Variants in ACAP1 observed in about 807,000 individuals in gnomAD.
ACAP1 encodes the protein ArfGAP with coiled-coil, ankyrin repeat and PH domains 1.
Under a neutral mutation model 98.8 loss-of-function variants are expected in ACAP1, and 45 were observed. That is an observed-to-expected ratio of 0.46 (90% confidence interval 0.36 to 0.58). The LOEUF is 0.58. ACAP1 is among the 20% of genes least tolerant of loss of function. ACAP1 has a pLI of 0.00. For missense variants in ACAP1, 735 were observed against 971.4 expected, an observed-to-expected ratio of 0.76 and a Z score of 3.24; for synonymous variants, 362 against 375.3, an observed-to-expected ratio of 0.96 and a Z score of 0.41.
Position 7,336,786 on chromosome 17 carries a change from C to T in ACAP1, c.52C>T (p.Arg18Ter), listed in dbSNP as rs754562422. The T allele has an allele frequency of 5.0e-6, 8 of 1,613,890 alleles. No homozygotes were observed. Among genetic ancestry groups the T allele is most frequent in the East Asian group, 2.2e-5 (1 of 44,862 alleles). Reference sequence around the variant, plus strand: ...GTGTCTCAAGGACTCACCCCGTTTCCGGTAAGTGTGAACTGGTCTGGGGGG... The same window carrying T: ...GTGTCTCAAGGACTCACCCCGTTTCTGGTAAGTGTGAACTGGTCTGGGGGG... ...EECLKDSPRF[R>*]ASIELVEAEV... The change falls in exon 1 of 22, where the codon CGA (arginine) becomes TGA (stop). Residue 18 changes from arginine to a stop codon, truncating the protein, a stop_gained and splice_region_variant. Transcript: ENST00000158762. LOFTEE classifies it high-confidence loss of function.
Position 7,350,949 on chromosome 17 carries a change from G to C in ACAP1, c.2073-1G>C. ...TCATTTCTTAATTCCCTCCTCTTCA[G>C]GCTACGACTGGCAAAGATGAGGGAG... On this transcript the variant is annotated splice_acceptor_variant, in intron 20 of 21. Transcript: ENST00000158762. LOFTEE classifies it high-confidence loss of function. The surrounding 1 kb of genome is among the most constrained non-coding windows in gnomAD (Gnocchi z 4.6). 6.2e-7 allele frequency: 1 copy of C among 1,614,066 alleles called. No individual in the cohort carries two copies. Among genetic ancestry groups the C allele is most frequent in the Non-Finnish European group, 8.5e-7 (1 of 1,179,976 alleles).
At position 7,343,920 on chromosome 17, in the gene ACAP1, C is replaced by G. The variant is rs373061856; in HGVS notation, c.633C>G (p.Ser211Arg). 13 of 1,606,492 alleles carry G rather than the reference C, an allele frequency of 8.1e-6. No individual in the cohort carries two copies. In the African/African-American group the frequency reaches 1.6e-4, roughly 20 times the overall value. ...TCCAGCAGGGCCATGAGGAGCTGAG[C>G]CGGCTGTCCCAGTATCGAAAGGAGC... ...THFQQGHEEL[S>R]RLSQYRKELG... is the part of the protein sequence containing the mutation. The change falls in exon 8 of 22, where the codon AGC becomes AGG. Residue 211 changes from serine (S) to arginine (R), a missense_variant. Transcript: ENST00000158762. The surrounding 1 kb of genome is among the most constrained non-coding windows in gnomAD (Gnocchi z 4.9).
At chr17:7,346,719 A>C (rs2073350044) in intron 12 of ACAP1, 89 bp from the exon 13 acceptor site, 3 of 1,455,270 alleles carry the variant, frequency 2.1e-6, no homozygotes, top group African/African-American at 1.4e-5. Context: ...GAACTGGTTG[A>C]ATACTGGCTG....
chr17:7,337,391 G>T, intron 2 of ACAP1, 22 bp downstream of exon 2: 2 of 1,612,332 alleles, frequency 1.2e-6, no homozygotes, highest in Non-Finnish European at 8.5e-7. Context: ...ATGGAGAGGT[G>T]ACCCAGGAGT....
At chr17:7,348,842 T>A (rs1054388538) in intron 17 of ACAP1, 153 bp from the exon 18 acceptor site, 20 of 711,968 alleles carry the variant, frequency 2.8e-5, no homozygotes, top group African/African-American at 7.2e-5. Flanking sequence ...TACTTACACA[T>A]ACCCACACTT....
Position 7,336,953 on chromosome 17 carries a change from A to G in ACAP1, c.53+166A>G, listed in dbSNP as rs2073226497. Among the ~76,000 whole-genome samples, 4 of 152,004 alleles carry G rather than the reference A, an allele frequency of 2.6e-5. No homozygotes were observed. The South Asian group carries it at 8.3e-4, about 31-fold the overall frequency. ...CCCAGCTGTGAAAGCAGGGTACTCCAATGCTCTCTGCCCCTGCATGCTCCT... is the reference window on the plus strand; with the variant it reads ...CCCAGCTGTGAAAGCAGGGTACTCCGATGCTCTCTGCCCCTGCATGCTCCT... On this transcript the variant is annotated intron_variant, in intron 1 of 21. Coordinates refer to ENST00000158762, the MANE Select transcript of ACAP1 (RefSeq NM_014716.4).
chr17:7,348,688 C>T lies in ACAP1; in HGVS notation c.1678+213C>T. 3 of 597,764 alleles carry T rather than the reference C, an allele frequency of 5.0e-6. No individual in the cohort carries two copies. In the South Asian group the frequency reaches 8.0e-5, roughly 16 times the overall value. 37.0% of individuals were successfully genotyped at this position (597,764 alleles called of 1,614,324 possible). ...GGGCAGGGAGGGTAAGGGGTGCCAACAGCACAAGAAAAGGAGAGAGAGAGG... is the reference window on the plus strand; with the variant it reads ...GGGCAGGGAGGGTAAGGGGTGCCAATAGCACAAGAAAAGGAGAGAGAGAGG... On this transcript the variant is annotated intron_variant, in intron 17 of 21. Coordinates refer to ENST00000158762, the MANE Select transcript of ACAP1 (RefSeq NM_014716.4).
At position 7,342,712 on chromosome 17, in the gene ACAP1, T is replaced by TCG. The variant is rs576340128; in HGVS notation, c.344+238_344+239insCG. 2.0e-4 allele frequency: 115 copies of TCG among 566,902 alleles called. 1 individual carries two copies. Among genetic ancestry groups the TCG allele is most frequent in the African/African-American group, 1.9e-3 (102 of 52,984 alleles). The allele number at this position is 566,902 out of a possible 1,614,324, so 35.1% of individuals were successfully genotyped here. ...GTCGGGAGTTCGAGACCAGCCTGTC[T>TCG]AACATGGCAAAACCCCAGCTCTACT... On this transcript the variant is annotated intron_variant, in intron 5 of 21. Transcript: ENST00000158762.
chr17:7,342,622 G>T (rs1044147489), intron 5 of ACAP1, 148 bp downstream of exon 5: 1 of 911,606 alleles, frequency 1.1e-6, no homozygotes, highest in African/African-American at 1.6e-5. Context: ...AAATTAGGCC[G>T]GGCACGGTGG....
rs78156786 is a variant in ACAP1, at chr17:7,348,069, C to A, written c.1414-58C>A. The A allele has an allele frequency of 2.7e-5, 43 of 1,610,920 alleles. No individual in the cohort carries two copies. The East Asian group carries it at 7.6e-4, about 28-fold the overall frequency. On this transcript the variant is annotated intron_variant, in intron 15 of 21. Transcript: ENST00000158762. ...ACATGGCGGTGCAGGGGCGTGATCCCTGAGGAGTCACTCACCCCCACCTTC... is the reference window on the plus strand; with the variant it reads ...ACATGGCGGTGCAGGGGCGTGATCCATGAGGAGTCACTCACCCCCACCTTC...
intron 17 of ACAP1, 155 bp downstream of exon 17, chr17:7,348,630 A>G: frequency 1.2e-6 from 1 of 848,654 alleles, no homozygotes; most frequent in Non-Finnish European, 1.7e-6. Context: ...GGAGTGTGAC[A>G]TTAAGAATGA....
rs987197685 is a variant in ACAP1 at position 7,343,103 on chromosome 17, C to CAAA, written c.345-273_345-271dup. On this transcript the variant is annotated intron_variant, in intron 5 of 21. Coordinates refer to ENST00000158762, the MANE Select transcript of ACAP1 (RefSeq NM_014716.4). This position sits in a 1 kb window ranked among gnomAD's most constrained non-coding sequence, Gnocchi z 4.9. Reference sequence around the variant, plus strand: ...TCAAAAACAAAAACAACAACAACAACAAAAATTTTTTAAAGGGGGAGTGAG... The same window carrying CAAA: ...TCAAAAACAAAAACAACAACAACAACAAAAAAAATTTTTTAAAGGGGGAGTGAG... 2.7e-6 allele frequency: 1 copy of CAAA among 373,524 alleles called. No individual in the cohort carries two copies. Among genetic ancestry groups the CAAA allele is most frequent in the East Asian group, 4.5e-5 (1 of 22,338 alleles). 23.1% of individuals were successfully genotyped at this position (373,524 alleles called of 1,614,324 possible).
At chr17:7,349,207 C>CT in intron 18 of ACAP1, 40 bp downstream of exon 18, 1 of 1,606,910 alleles carries the variant, frequency 6.2e-7, no homozygotes, top group Admixed American at 1.7e-5. Flanking sequence ...CCCTAGGGCT[C>CT]TGACACCTAC....
At chr17:7,346,714 G>A in intron 12 of ACAP1, 94 bp from the exon 13 acceptor site, 2 of 1,429,350 alleles carry the variant, frequency 1.4e-6, no homozygotes, top group Non-Finnish European at 1.9e-6. Context: ...AACTGGAACT[G>A]GTTGAATACT....
chr17:7,343,635 G>C lies in ACAP1; in HGVS notation c.529-71G>C. 1 of 1,597,842 alleles carries C rather than the reference G, an allele frequency of 6.3e-7. No individual in the cohort carries two copies. The highest frequency in any genetic ancestry group is 1.1e-5 in the South Asian group (1 of 88,756). On this transcript the variant is annotated intron_variant, in intron 6 of 21. Coordinates refer to ENST00000158762, the MANE Select transcript of ACAP1 (RefSeq NM_014716.4). This position sits in a 1 kb window ranked among gnomAD's most constrained non-coding sequence, Gnocchi z 4.9. ...ACCTCGAGGCTTGGGGGTCTCCAGT[G>C]TGCAGTGGGAAGGGGTGCTGTGTCT...
intron 1 of ACAP1, 195 bp from the exon 2 acceptor site, chr17:7,337,117 C>G: frequency 1.5e-6 from 1 of 658,780 alleles, no homozygotes; most frequent in Non-Finnish European, 2.7e-6. Context: ...TCCTTCTACC[C>G]TTCCTGCTCT....
Position 7,343,653 on chromosome 17 carries a change from CTG to C in ACAP1, c.529-49_529-48del, listed in dbSNP as rs1357062007. The C allele has an allele frequency of 6.2e-7, 1 of 1,600,694 alleles. No individual in the cohort carries two copies. The highest frequency in any genetic ancestry group is 8.5e-7 in the Non-Finnish European group (1 of 1,171,558). Reference sequence around the variant, plus strand: ...CTCCAGTGTGCAGTGGGAAGGGGTGCTGTGTCTTCAAGACTGATCTGGGGTTT... The same window carrying C: ...CTCCAGTGTGCAGTGGGAAGGGGTGCTGTCTTCAAGACTGATCTGGGGTTT... On this transcript the variant is annotated intron_variant, in intron 6 of 21. Coordinates refer to ENST00000158762, the MANE Select transcript of ACAP1 (RefSeq NM_014716.4). This position sits in a 1 kb window ranked among gnomAD's most constrained non-coding sequence, Gnocchi z 4.9.
rs575347934 is a variant in ACAP1, at chr17:7,338,115, T to C, written c.111+746T>C. Reference sequence around the variant, plus strand: ...CTTCGCTTTACTTTTCTCTGCAACATTTACCTCTGACACATTATGTATTTG... The same window carrying C: ...CTTCGCTTTACTTTTCTCTGCAACACTTACCTCTGACACATTATGTATTTG... On this transcript the variant is annotated intron_variant, in intron 2 of 21. Coordinates refer to ENST00000158762, the MANE Select transcript of ACAP1 (RefSeq NM_014716.4). 1.2e-4 allele frequency among the ~76,000 whole-genome samples: 18 copies of C among 152,310 alleles called. No homozygotes were observed. The South Asian group carries it at 2.7e-3, about 23-fold the overall frequency.
Position 7,349,031 on chromosome 17 carries a change from G to A in ACAP1, c.1715G>A (p.Gly572Glu). The A allele has an allele frequency of 3.7e-6, 6 of 1,613,738 alleles. No homozygotes were observed. The highest frequency in any genetic ancestry group is 5.1e-6 in the Non-Finnish European group (6 of 1,179,958). ...PSEDLGSLHPGALLFRASGHP... is the reference protein window; with the variant it reads ...PSEDLGSLHPEALLFRASGHP... Reference sequence around the variant, plus strand: ...GAGGACCTGGGAAGCCTGCACCCTGGGGCCCTACTGTTTCGAGCGTCTGGG... The same window carrying A: ...GAGGACCTGGGAAGCCTGCACCCTGAGGCCCTACTGTTTCGAGCGTCTGGG... Residue 572 changes from glycine to glutamate, a missense_variant, in exon 18 of 22, where the codon GGG (glycine) becomes GAG (glutamate). Coordinates refer to ENST00000158762, the MANE Select transcript of ACAP1 (RefSeq NM_014716.4).
Sources: allele counts gnomAD v4.1 joint callset (sites outside exome capture counted in the v4.1 genomes callset), GRCh38; gene constraint gnomAD v4.1.1; non-coding constraint Gnocchi (gnomAD v3.1); transcripts MANE v1.5; gene names NCBI Gene and HGNC (gene_info 2026-07-23, HGNC 2026-07-21).